TSC22D4: variants seen among roughly 807,000 people sequenced by gnomAD.
TSC22D4 encodes the protein TSC22 domain family protein 4.
TSC22D4 carries 5 observed loss-of-function variants against 24.9 expected under a neutral mutation model. The ratio of observed to expected loss-of-function variants is 0.20; its 90% CI spans 0.10 to 0.42. TSC22D4 has a LOEUF of 0.42. Among genes scored for constraint, TSC22D4 ranks in the 10% least tolerant of loss-of-function variants. TSC22D4 has a pLI of 1.00. For synonymous variants in TSC22D4, 245 were observed against 243.2 expected, an observed-to-expected ratio of 1.01 and a Z score of -0.07; for missense variants, 469 against 547.9, an observed-to-expected ratio of 0.86 and a Z score of 1.44.
chr7:100,468,997 G>A (rs1031085457), intron 3 of TSC22D4, among the ~76,000 whole-genome samples: 4 of 151,746 alleles, frequency 2.6e-5, no homozygotes, highest in African/African-American at 7.3e-5. Context: ...AGGCTGAGGC[G>A]AGTGGATCAC....
Position 100,474,101 on chromosome 7 carries a change from G to A in TSC22D4, c.929+173C>T, listed in dbSNP as rs1799445966. 1.3e-6 allele frequency: 1 copy of A among 753,572 alleles called. No homozygotes were observed. The highest frequency in any genetic ancestry group is 2.1e-6 in the Non-Finnish European group (1 of 477,096). The allele number at this position is 753,572 out of a possible 1,614,324, so 46.7% of individuals were successfully genotyped here. On this transcript the variant is annotated intron_variant, in intron 3 of 4. Coordinates refer to ENST00000300181, the MANE Select transcript of TSC22D4 (RefSeq NM_030935.5). This position sits in a 1 kb window ranked among gnomAD's most constrained non-coding sequence, Gnocchi z 4.3. ...CCAGCCCTCTCCACAGAGAGGGAGTGGGTCCGAAATCAACTGTGTGCAGTG... is the reference window on the plus strand; with the variant it reads ...CCAGCCCTCTCCACAGAGAGGGAGTAGGTCCGAAATCAACTGTGTGCAGTG...
rs532069625 is a variant in TSC22D4, at chr7:100,467,860, C to T, written c.930-260G>A. On this transcript the variant is annotated intron_variant, in intron 3 of 4. Transcript: ENST00000300181. ...AGGGGAAGAGGCACAGCCCCTTTTT[C>T]GGGGCAGCCCCGGAGCCATCCCCAC... The T allele has an allele frequency of 7.8e-4, 517 of 660,048 alleles. 9 individuals carry two copies. The highest frequency in any genetic ancestry group is 7.5e-3 in the South Asian group (496 of 66,146). 40.9% of individuals were successfully genotyped at this position (660,048 alleles called of 1,614,324 possible).
At chr7:100,467,640 C>A in intron 3 of TSC22D4, 40 bp from the exon 4 acceptor site, 1 of 1,606,116 alleles carries the variant, frequency 6.2e-7, no homozygotes, top group African/African-American at 1.3e-5. Context: ...AGAGGAGAAG[C>A]CTTCCCAGGT....
Position 100,477,204 on chromosome 7 carries a change from G to A in TSC22D4, c.762+73C>T, listed in dbSNP as rs879520167. ...TGGAGAAGGAGGAGGAGAGGGGGGGGAGGAGGAGGAAGGAGGCTCAAGATA... is the reference window on the plus strand; with the variant it reads ...TGGAGAAGGAGGAGGAGAGGGGGGGAAGGAGGAGGAAGGAGGCTCAAGATA... On this transcript the variant is annotated intron_variant, in intron 2 of 4. Coordinates refer to ENST00000300181, the MANE Select transcript of TSC22D4 (RefSeq NM_030935.5). This position sits in a 1 kb window ranked among gnomAD's most constrained non-coding sequence, Gnocchi z 7.8. 4 of 1,176,852 alleles carry A rather than the reference G, an allele frequency of 3.4e-6. No individual in the cohort carries two copies. Among genetic ancestry groups the A allele is most frequent in the South Asian group, 5.1e-5 (2 of 39,190 alleles). 72.9% of individuals were successfully genotyped at this position (1,176,852 alleles called of 1,614,324 possible).
At chr7:100,469,819 AC>A (rs1799360719) in intron 3 of TSC22D4, among the ~76,000 whole-genome samples, 1 of 152,102 alleles carries the variant, frequency 6.6e-6, no homozygotes, top group Non-Finnish European at 1.5e-5. Context: ...ATTCAAGGTG[AC>A]CCCTGGATAA....
chr7:100,478,240 G>C lies in TSC22D4; in HGVS notation c.-202C>G, dbSNP rs1799548373. On this transcript the variant is annotated 5_prime_UTR_variant, in exon 2 of 5. Transcript: ENST00000300181. ...GGAGAAGAGGAGAGGGGAGGTGGCG[G>C]GAGGGGGGAGCAGGGGCAGGTTTTT... The C allele has an allele frequency of 1.1e-5, 6 of 558,082 alleles. No homozygotes were observed. The highest frequency in any genetic ancestry group is 1.6e-5 in the Non-Finnish European group (5 of 315,348). 34.6% of individuals were successfully genotyped at this position (558,082 alleles called of 1,614,324 possible).
intron 3 of TSC22D4, among the ~76,000 whole-genome samples, chr7:100,472,553 G>A (rs1269708912): frequency 6.6e-6 from 1 of 152,066 alleles, no homozygotes; most frequent in Non-Finnish European, 1.5e-5. Flanking sequence ...TCCTCTTGCC[G>A]GGGAACCTCC....
chr7:100,474,747 C>T lies in TSC22D4; in HGVS notation c.763-307G>A, dbSNP rs1799461958. ...CAGAATAGACTCCAATGCCCCAGCTCCCACTGGGCCGGGACCCCTAATCAG... is the reference window on the plus strand; with the variant it reads ...CAGAATAGACTCCAATGCCCCAGCTTCCACTGGGCCGGGACCCCTAATCAG... On this transcript the variant is annotated intron_variant, in intron 2 of 4. Transcript: ENST00000300181. This position sits in a 1 kb window ranked among gnomAD's most constrained non-coding sequence, Gnocchi z 4.3. Among the ~76,000 whole-genome samples, 1 of 152,160 alleles carries T rather than the reference C, an allele frequency of 6.6e-6. No individual in the cohort carries two copies. Among genetic ancestry groups the T allele is most frequent in the African/African-American group, 2.4e-5 (1 of 41,446 alleles).
intron 2 of TSC22D4, among the ~76,000 whole-genome samples, chr7:100,475,680 GGGAGCTGGTTGT>G (rs1799482287): frequency 6.6e-6 from 1 of 151,940 alleles, no homozygotes; most frequent in African/African-American, 2.4e-5. Context: ...GGGTTGGGGG[GGGAGCTGGTTGT>G]GGAGCTGGGG....
chr7:100,478,034 C>T lies in TSC22D4; in HGVS notation c.5G>A (p.Ser2Asn). 1.3e-6 allele frequency: 2 copies of T among 1,591,680 alleles called. No homozygotes were observed. The highest frequency in any genetic ancestry group is 1.7e-6 in the Non-Finnish European group (2 of 1,171,618). Residue 2 changes from serine (S) to asparagine (N), a missense_variant, in exon 2 of 5, where the codon AGC (serine) becomes AAC (asparagine). By Grantham distance (46) the Ser-to-Asn change is conservative (BLOSUM62 1). Transcript: ENST00000300181. The part of the protein sequence containing the change: M[S>N]GGKKKSSFQI... ...GAAACTACTCTTCTTCTTGCCCCCG[C>T]TCATGGTCCCTGGGGCTCAGGGCTG...
At chr7:100,467,684 C>A (rs756303021) in intron 3 of TSC22D4, 84 bp from the exon 4 acceptor site, 9 of 1,260,700 alleles carry the variant, frequency 7.1e-6, no homozygotes, top group African/African-American at 2.9e-5. Flanking sequence ...CCCGCCCACA[C>A]CCCCCTGTAC....
intron 3 of TSC22D4, among the ~76,000 whole-genome samples, chr7:100,472,126 T>G (rs1010318647): frequency 1.3e-5 from 2 of 151,774 alleles, no homozygotes; most frequent in Non-Finnish European, 2.9e-5. Context: ...CCCAACTCCC[T>G]CCCTGTGATC....
rs1393888992 is a variant in TSC22D4, at chr7:100,470,066, T to C, written c.930-2466A>G. Among the ~76,000 whole-genome samples, 4 of 152,090 alleles carry C rather than the reference T, an allele frequency of 2.6e-5. No homozygotes were observed. The East Asian group carries it at 7.7e-4, about 29-fold the overall frequency. Reference sequence around the variant, plus strand: ...AGGGTCAAAGTAATTTTCGAGCTATTTCAATCAGCAACACCTGGGTGGAGA... The same window carrying C: ...AGGGTCAAAGTAATTTTCGAGCTATCTCAATCAGCAACACCTGGGTGGAGA... On this transcript the variant is annotated intron_variant, in intron 3 of 4. Transcript: ENST00000300181.
chr7:100,468,284 T>C (rs10215584), intron 3 of TSC22D4, among the ~76,000 whole-genome samples: 94 of 151,008 alleles, frequency 6.2e-4, no homozygotes, highest in African/African-American at 2.2e-3. Context: ...AGTCAGCTGG[T>C]GGCTGGGCCA....
Position 100,474,479 on chromosome 7 carries a change from A to G in TSC22D4, c.763-39T>C. 6.2e-7 allele frequency: 1 copy of G among 1,610,118 alleles called. No individual in the cohort carries two copies. Among genetic ancestry groups the G allele is most frequent in the East Asian group, 2.2e-5 (1 of 44,792 alleles). Reference sequence around the variant, plus strand: ...GGTAGGAACCATCACATGAAAAGAGAAAAGAAAGGAACCAGCTGCCTTAAA... The same window carrying G: ...GGTAGGAACCATCACATGAAAAGAGGAAAGAAAGGAACCAGCTGCCTTAAA... On this transcript the variant is annotated intron_variant, in intron 2 of 4. Transcript: ENST00000300181. This position sits in a 1 kb window ranked among gnomAD's most constrained non-coding sequence, Gnocchi z 4.3.
At position 100,477,503 on chromosome 7, in the gene TSC22D4, G is replaced by A. The variant is rs749758255; in HGVS notation, c.536C>T (p.Ala179Val). Reference sequence around the variant, plus strand: ...CGACAGTGGGGGTTTCTCTGCCTTGGCTTTGCTGGGCACCACCAGCTGGCC... The same window carrying A: ...CGACAGTGGGGGTTTCTCTGCCTTGACTTTGCTGGGCACCACCAGCTGGCC... ...GLGQLVVPSK[A>V]KAEKPPLSAS... Residue 179 changes from alanine (A) to valine (V), a missense_variant, in exon 2 of 5, where the codon GCC (alanine) becomes GTC (valine). Transcript: ENST00000300181. This position sits in a 1 kb window ranked among gnomAD's most constrained non-coding sequence, Gnocchi z 7.8. The A allele has an allele frequency of 1.3e-6, 2 of 1,555,158 alleles. No homozygotes were observed. Among genetic ancestry groups the A allele is most frequent in the East Asian group, 2.3e-5 (1 of 44,276 alleles).
At position 100,477,689 on chromosome 7, in the gene TSC22D4, C is replaced by A; in HGVS notation, c.350G>T (p.Gly117Val). Reference sequence around the variant, plus strand: ...ATCCAAAGATCTGCCCCCGGCGCCCCCTGAGGCCCCTCGAATTCCCTCCAG... The same window carrying A: ...ATCCAAAGATCTGCCCCCGGCGCCCACTGAGGCCCCTCGAATTCCCTCCAG... ...GLLEGIRGAS[G>V]GAGGRSLDSR... The change falls in exon 2 of 5, where the codon GGG (glycine) becomes GTG (valine). Residue 117 changes from glycine to valine, a missense_variant. Transcript: ENST00000300181. This position sits in a 1 kb window ranked among gnomAD's most constrained non-coding sequence, Gnocchi z 7.8. The A allele has an allele frequency of 6.3e-7, 1 of 1,593,510 alleles. No individual in the cohort carries two copies. The highest frequency in any genetic ancestry group is 8.5e-7 in the Non-Finnish European group (1 of 1,176,066).
In TSC22D4 at chr7:100,467,594, G is replaced by C; in HGVS notation, c.936C>G (p.Ser312=). The C allele has an allele frequency of 6.2e-7, 1 of 1,614,062 alleles. No homozygotes were observed. The highest frequency in any genetic ancestry group is 2.2e-5 in the East Asian group (1 of 44,876). Residue 312 remains serine, a synonymous_variant, in exon 4 of 5, where the codon TCC becomes TCG. Transcript: ENST00000300181. The part of the protein sequence containing the change: ...GHLDSDDDSG[S]GSLVGIDNKI... ...TGTTGTCAATGCCAACCAGGCTTCCGGAGCCACTGGAGAGACACAGGAAGG... is the reference window on the plus strand; with the variant it reads ...TGTTGTCAATGCCAACCAGGCTTCCCGAGCCACTGGAGAGACACAGGAAGG...
Position 100,466,628 on chromosome 7 carries a change from C to T in TSC22D4, c.*331G>A. On this transcript the variant is annotated 3_prime_UTR_variant, in exon 5 of 5. Transcript: ENST00000300181. ...CCTCCCCTGGGCAGAGGAGAGGAGG[C>T]ACCTCAAGGGAACAAGATGGGGGTG... The T allele has an allele frequency of 2.9e-6, 1 of 344,888 alleles. No individual in the cohort carries two copies. The highest frequency in any genetic ancestry group is 5.3e-6 in the Non-Finnish European group (1 of 189,190). 21.4% of individuals were successfully genotyped at this position (344,888 alleles called of 1,614,324 possible). A position where few individuals can be genotyped will look rare whatever the true frequency, so the allele number is the denominator to read the frequency against.
Sources: allele counts gnomAD v4.1 joint callset (sites outside exome capture counted in the v4.1 genomes callset), GRCh38; gene constraint gnomAD v4.1.1; non-coding constraint Gnocchi (gnomAD v3.1); transcripts MANE v1.5; gene names NCBI Gene and HGNC (gene_info 2026-07-23, HGNC 2026-07-21).